LIPE: variants seen among roughly 807,000 people sequenced by gnomAD.
LIPE encodes lipase E, hormone sensitive type.
In LIPE, 66 loss-of-function variants were observed where a neutral mutation model predicts 88.5. The ratio of observed to expected loss-of-function variants is 0.75; its 90% confidence interval spans 0.61 to 0.91. The LOEUF (loss-of-function observed/expected upper bound fraction) is 0.91. Ranked by LOEUF, LIPE falls within the 40% of genes least tolerant of loss-of-function variation. The probability of loss-of-function intolerance (pLI) is 0.00; values close to 1 mark genes in which losing one functional copy is unlikely to be tolerated. For synonymous variants in LIPE, 570 were observed against 617.5 expected (o/e 0.92, Z 1.14); for missense variants, 1,346 against 1,434.7 (o/e 0.94, Z 1.00).
rs559391093 is a variant in LIPE, at chr19:42,402,088, G to A, written c.2968-13C>T. The stretch of plus-strand genomic sequence containing the variant: ...CCAGCGCGCACGCCTACGGGACAGC[G>A]GGGAGGGACGTGGAGAGAGGGTGGG... On this transcript the variant is annotated splice_polypyrimidine_tract_variant and intron_variant, in intron 9 of 9. Coordinates refer to ENST00000244289, the MANE Select transcript of LIPE (RefSeq NM_005357.4). 58 of 1,466,666 alleles carry A rather than the reference G, an allele frequency of 4.0e-5. No homozygotes were observed. The highest frequency in any genetic ancestry group is 2.6e-4 in the Admixed American group (11 of 41,842). 90.9% of individuals were successfully genotyped at this position (1,466,666 alleles called of 1,614,324 possible).
intron 1 of LIPE, among the ~76,000 whole-genome samples, chr19:42,419,671 G>T (rs189961755): frequency 1.4e-5 from 2 of 140,544 alleles, no homozygotes; most frequent in African/African-American, 5.1e-5. Context: ...CTGAGCAGGG[G>T]TAAGGAGGGC....
chr19:42,426,719 C>A lies in LIPE; in HGVS notation c.431G>T (p.Gly144Val). Reference sequence around the variant, plus strand: ...TTCTTGTTGAGCTGGAGGTGGCTCTCCTGGCCCAGGCCCTGGCTGGGCTAC... The same window carrying A: ...TTCTTGTTGAGCTGGAGGTGGCTCTACTGGCCCAGGCCCTGGCTGGGCTAC... Reference protein sequence around the residue: ...RHVAQPGPGPGEPPPAQQEAE... With the variant: ...RHVAQPGPGPVEPPPAQQEAE... The change falls in exon 1 of 10, where the codon GGA (glycine) becomes GTA (valine). Residue 144 changes from glycine to valine, a missense_variant. By Grantham distance (109) the Gly-to-Val change is moderately radical. Coordinates refer to ENST00000244289, the MANE Select transcript of LIPE (RefSeq NM_005357.4). 6.2e-7 allele frequency: 1 copy of A among 1,614,180 alleles called. No homozygotes were observed. Among genetic ancestry groups the A allele is most frequent in the South Asian group, 1.1e-5 (1 of 91,074 alleles).
chr19:42,407,261 A>G lies in LIPE; in HGVS notation c.2050T>C (p.Ser684Pro). ...GGGAAGGGGGCCTCAGGGGCCAGGG[A>G]GTAGTCGATGGAGATGATGGGGGCG... is the stretch of plus-strand genomic sequence containing the variant. ...LGAPIISIDY[S>P]LAPEAPFPRA... The change falls in exon 6 of 10, where the codon TCC (serine) becomes CCC (proline). Residue 684 changes from serine (S) to proline (P), a missense_variant. Physicochemically the swap from Ser to Pro is moderately conservative, Grantham distance 74. Transcript: ENST00000244289. The surrounding 1 kb of genome is among the most constrained non-coding windows in gnomAD (Gnocchi z 5.8). 2 of 1,602,392 alleles carry G rather than the reference A, an allele frequency of 1.2e-6. No homozygotes were observed. Among genetic ancestry groups the G allele is most frequent in the Non-Finnish European group, 8.5e-7 (1 of 1,174,848 alleles).
chr19:42,419,047 G>A (rs2040544842), intron 1 of LIPE, among the ~76,000 whole-genome samples: 1 of 152,140 alleles, frequency 6.6e-6, no homozygotes. Flanking sequence ...GGGAGGCTGA[G>A]GCCGGTGGAT....
intron 2 of LIPE, among the ~76,000 whole-genome samples, chr19:42,409,400 C>CAAAAAAAA (rs760628566): frequency 7.7e-3 from 556 of 72,290 alleles, no homozygotes; most frequent in Non-Finnish European, 9.0e-3. Context: ...AAACAAAATA[C>CAAAAAAAA]AAAAAAAAAA....
In LIPE at chr19:42,427,071, G is replaced by C. The variant is rs1489218899; in HGVS notation, c.79C>G (p.Pro27Ala). ...PHQRPITPLE[P>A]GPEKTPIAQP... The stretch of plus-strand genomic sequence containing the variant: ...GCTATGGGTGTCTTTTCTGGCCCAG[G>C]CTCTAGCGGGGTTATAGGCCTCTGG... The change falls in exon 1 of 10, where the codon CCT (proline) becomes GCT (alanine). Residue 27 changes from proline to alanine, a missense_variant. Physicochemically the swap from Pro to Ala is conservative, Grantham distance 27. Coordinates refer to ENST00000244289, the MANE Select transcript of LIPE (RefSeq NM_005357.4). 6.2e-7 allele frequency: 1 copy of C among 1,614,028 alleles called. No individual in the cohort carries two copies. The highest frequency in any genetic ancestry group is 8.5e-7 in the Non-Finnish European group (1 of 1,180,036).
In LIPE at chr19:42,410,568, G is replaced by A. The variant is rs770625843; in HGVS notation, c.1158C>T (p.His386=). 8 of 1,612,864 alleles carry A rather than the reference G, an allele frequency of 5.0e-6. No homozygotes were observed. In the African/African-American group the frequency reaches 6.7e-5, roughly 13 times the overall value. Residue 386 remains histidine (H), a synonymous_variant, in exon 2 of 10, where the codon CAC becomes CAT. Transcript: ENST00000244289. This position sits in a 1 kb window ranked among gnomAD's most constrained non-coding sequence, Gnocchi z 6.1. ...LVHTARCCLA[H]LLHKSRYVAS... Reference sequence around the variant, plus strand: ...CCACATAGCGGGATTTGTGCAGGAGGTGCGCCAGGCAGCAGCGGGCTGTGT... The same window carrying A: ...CCACATAGCGGGATTTGTGCAGGAGATGCGCCAGGCAGCAGCGGGCTGTGT...
intron 8 of LIPE, among the ~76,000 whole-genome samples, chr19:42,403,240 GA>G (rs2040049949): frequency 2.6e-5 from 3 of 114,214 alleles, no homozygotes; most frequent in African/African-American, 6.7e-5. Context: ...TCTAGTGAAG[GA>G]TGTGTGTGTG....
intron 1 of LIPE, among the ~76,000 whole-genome samples, chr19:42,417,093 T>A (rs892751804): frequency 1.3e-5 from 2 of 152,138 alleles, no homozygotes; most frequent in African/African-American, 4.8e-5. Context: ...GCTAATTTTT[T>A]GTATTTTTAG....
At chr19:42,425,747 C>T (rs1419677609) in intron 1 of LIPE, among the ~76,000 whole-genome samples, 1 of 152,152 alleles carries the variant, frequency 6.6e-6, no homozygotes, top group Admixed American at 6.5e-5. Context: ...GAGTTTGAGG[C>T]TGCAGTGAGC....
chr19:42,426,926 G>T lies in LIPE; in HGVS notation c.224C>A (p.Pro75His). 1 of 1,614,162 alleles carries T rather than the reference G, an allele frequency of 6.2e-7. No homozygotes were observed. Among genetic ancestry groups the T allele is most frequent in the Non-Finnish European group, 8.5e-7 (1 of 1,180,032 alleles). ...TGAAGCAGATTTTTGTTGGGCTCTA[G>T]GTTCCTTCTGGGATTCAGCATCATG... ...AQHDAESQKE[P>H]RAQQKSASQE... The change falls in exon 1 of 10, where the codon CCT (proline) becomes CAT (histidine). Residue 75 changes from proline to histidine, a missense_variant. Physicochemically the swap from Pro to His is moderately conservative, Grantham distance 77 (BLOSUM62 -2). Coordinates refer to ENST00000244289, the MANE Select transcript of LIPE (RefSeq NM_005357.4).
rs556094483 is a variant in LIPE, at chr19:42,420,271, C to G, written c.883+5996G>C. Among the ~76,000 whole-genome samples, 12 of 152,200 alleles carry G rather than the reference C, an allele frequency of 7.9e-5. No individual in the cohort carries two copies. In the East Asian group the frequency reaches 2.3e-3, roughly 29 times the overall value. On this transcript the variant is annotated intron_variant, in intron 1 of 9. Transcript: ENST00000244289. ...CTCTGTCTGTGCTTCAAAGTATATG[C>G]TTTCTGGTCGGGTGTGAGTGTGTCT...
intron 1 of LIPE, among the ~76,000 whole-genome samples, chr19:42,413,191 C>A (rs1467341166): frequency 2.0e-5 from 3 of 152,222 alleles, no homozygotes; most frequent in Non-Finnish European, 4.4e-5. Flanking sequence ...ATATGCACGC[C>A]CCCGTTATTT....
chr19:42,418,695 T>G (rs1398219509), intron 1 of LIPE, among the ~76,000 whole-genome samples: 1 of 152,136 alleles, frequency 6.6e-6, no homozygotes, highest in Non-Finnish European at 1.5e-5. Context: ...TTTAGACATA[T>G]GCTGTTGTAC....
intron 1 of LIPE, chr19:42,425,260 A>G (rs2040687306): frequency 6.5e-6 from 1 of 153,284 alleles, no homozygotes; most frequent in Non-Finnish European, 1.5e-5. Context: ...TCTACCCCAG[A>G]GCTGGTGCTC....
At chr19:42,419,413 TC>T (rs2040552146) in intron 1 of LIPE, among the ~76,000 whole-genome samples, 2 of 152,174 alleles carry the variant, frequency 1.3e-5, no homozygotes, top group South Asian at 4.1e-4. Context: ...TTTGTCCTGT[TC>T]CAGGCGGCTC....
rs1455796554 is a variant in LIPE, at chr19:42,405,974, TCTCACACACACA to T, written c.2365+175_2365+186del. ...TTGTGTCTGTCTGTCTCTCTCTCTC[TCTCACACACACA>T]CACACACACACACACACACACACAC... On this transcript the variant is annotated intron_variant, in intron 7 of 9. Coordinates refer to ENST00000244289, the MANE Select transcript of LIPE (RefSeq NM_005357.4). The T allele has an allele frequency of 1.0e-4, 49 of 481,772 alleles. No individual in the cohort carries two copies. In the African/African-American group the frequency reaches 1.2e-3, roughly 12 times the overall value. 29.8% of individuals were successfully genotyped at this position (481,772 alleles called of 1,614,324 possible).
chr19:42,418,171 C>T (rs1486126181), intron 1 of LIPE, among the ~76,000 whole-genome samples: 2 of 152,054 alleles, frequency 1.3e-5, no homozygotes, highest in African/African-American at 2.4e-5. Flanking sequence ...TTAGTAGAGA[C>T]GGGGTTTTAC....
intron 1 of LIPE, among the ~76,000 whole-genome samples, chr19:42,421,874 G>A (rs568526226): frequency 1.3e-5 from 2 of 152,232 alleles, no homozygotes; most frequent in Admixed American, 6.5e-5. Flanking sequence ...GCACGAGGGC[G>A]GGGCTTCAGG....
Sources: gnomAD v4.1 joint callset for allele counts (sites outside exome capture counted in the v4.1 genomes callset) on GRCh38, gnomAD v4.1.1 for gene constraint, Gnocchi (gnomAD v3.1) non-coding constraint, MANE v1.5 for transcripts, NCBI Gene and HGNC (gene_info 2026-07-23, HGNC 2026-07-21) for gene names.